Variants in ARRDC4 observed in about 807,000 individuals in gnomAD.
ARRDC4 encodes arrestin domain containing 4, also known as arrestin domain-containing protein 4.
Under a neutral mutation model 44.6 loss-of-function variants are expected in ARRDC4, and 40 were observed. The ratio of observed to expected loss-of-function variants is 0.90; its 90% CI spans 0.70 to 1.17. The LOEUF is 1.17. Among genes scored for constraint, ARRDC4 ranks in the 50% most tolerant of loss-of-function variants. The pLI, the probability that ARRDC4 is intolerant of heterozygous loss-of-function variation, is 0.00. For missense variants in ARRDC4, 550 were observed against 559.1 expected (o/e 0.98, Z 0.16); for synonymous variants, 211 against 221.2 (o/e 0.95, Z 0.41).
chr15:97,970,441 T>G lies in ARRDC4; in HGVS notation c.1046-148T>G. 1 of 734,342 alleles carries G rather than the reference T, an allele frequency of 1.4e-6. No individual in the cohort carries two copies. The highest frequency in any genetic ancestry group is 2.7e-5 in the East Asian group (1 of 36,770). The allele number at this position is 734,342 out of a possible 1,614,324, so 45.5% of individuals were successfully genotyped here. On this transcript the variant is annotated intron_variant, in intron 6 of 7. Transcript: ENST00000268042. The surrounding 1 kb of genome is among the most constrained non-coding windows in gnomAD (Gnocchi z 4.2). ...AATAAAAGGAGAATCTATTTTTTAT[T>G]GTAATATGCATAAAACCTTGCTGAT...
At chr15:97,963,612 G>C (rs1432110813) in intron 1 of ARRDC4, among the ~76,000 whole-genome samples, 4 of 152,244 alleles carry the variant, frequency 2.6e-5, no homozygotes, top group Non-Finnish European at 4.4e-5. Context: ...CCAGCCCTCA[G>C]GTCCTGAAGA....
chr15:97,969,939 C>G lies in ARRDC4; in HGVS notation c.939C>G (p.Ile313Met). 1.2e-6 allele frequency: 2 copies of G among 1,607,498 alleles called. No homozygotes were observed. The highest frequency in any genetic ancestry group is 1.4e-5 in the African/African-American group (1 of 73,888). The part of the protein sequence containing the change: ...KKLMLELPLV[I>M]GTIPYNGFGS... ...TGATGCTCGAACTGCCATTAGTGAT[C>G]GGTACAATTCCATATAATGGTTTTG... Residue 313 changes from isoleucine to methionine, a missense_variant, in exon 6 of 8, where the codon ATC becomes ATG. Ile to Met is a conservative substitution (Grantham distance 10). Coordinates refer to ENST00000268042, the MANE Select transcript of ARRDC4 (RefSeq NM_183376.3).
rs1174837924 is a variant in ARRDC4, at chr15:97,970,014, G to A, written c.1014G>A (p.Trp338Ter). 7.4e-6 allele frequency: 12 copies of A among 1,612,766 alleles called. No homozygotes were observed. Among genetic ancestry groups the A allele is most frequent in the African/African-American group, 5.3e-5 (4 of 74,814 alleles). The change falls in exon 6 of 8, where the codon TGG becomes TGA. Residue 338 changes from tryptophan to a stop codon, truncating the protein, a stop_gained. Coordinates refer to ENST00000268042, the MANE Select transcript of ARRDC4 (RefSeq NM_183376.3). LOFTEE classifies it high-confidence loss of function. This position sits in a 1 kb window ranked among gnomAD's most constrained non-coding sequence, Gnocchi z 4.2. ...IASQFSMDMS[W>*]LTLTLPEQPE... ...GCCAGTTCAGTATGGATATGAGCTG[G>A]TTGACACTGACCCTGCCAGAGCAGC...
Position 97,970,835 on chromosome 15 carries a change from T to G in ARRDC4, c.1200+92T>G. The G allele has an allele frequency of 1.4e-6, 2 of 1,388,946 alleles. No individual in the cohort carries two copies. The highest frequency in any genetic ancestry group is 2.0e-6 in the Non-Finnish European group (2 of 1,012,906). 86.0% of individuals were successfully genotyped at this position (1,388,946 alleles called of 1,614,324 possible). ...GTTCATTAGAGTGTCTGTTGCTGAC[T>G]CATAATTAGTAAGGGATACATTTAA... On this transcript the variant is annotated intron_variant, in intron 7 of 7. Transcript: ENST00000268042. This position sits in a 1 kb window ranked among gnomAD's most constrained non-coding sequence, Gnocchi z 4.2.
In ARRDC4 at chr15:97,968,175, T is replaced by A; in HGVS notation, c.625+59T>A. On this transcript the variant is annotated intron_variant, in intron 4 of 7. Transcript: ENST00000268042. This position sits in a 1 kb window ranked among gnomAD's most constrained non-coding sequence, Gnocchi z 5.4. ...TTTCATTCATTTTCTTAGCTAATTT[T>A]AAGTGATTTTAAATAGTGTTTTTTG... 8.6e-7 allele frequency: 1 copy of A among 1,160,556 alleles called. No homozygotes were observed. Among genetic ancestry groups the A allele is most frequent in the Non-Finnish European group, 1.2e-6 (1 of 826,256 alleles). The allele number at this position is 1,160,556 out of a possible 1,614,324, so 71.9% of individuals were successfully genotyped here. A position where few individuals can be genotyped will look rare whatever the true frequency, so the allele number is the denominator to read the frequency against.
At chr15:97,961,906 G>A (rs1009983317) in intron 1 of ARRDC4, among the ~76,000 whole-genome samples, 2 of 152,090 alleles carry the variant, frequency 1.3e-5, no homozygotes, top group Non-Finnish European at 2.9e-5. Flanking sequence ...GCTCACTTTG[G>A]TGAAGTCCAG....
At chr15:97,961,364 C>T (rs1899315820) in intron 1 of ARRDC4, among the ~76,000 whole-genome samples, 196 bp downstream of exon 1, 1 of 152,186 alleles carries the variant, frequency 6.6e-6, no homozygotes, top group African/African-American at 2.4e-5. Flanking sequence ...CGCCCCGCCC[C>T]TGGCCCGCCG....
chr15:97,967,721 T>A lies in ARRDC4; in HGVS notation c.523-293T>A, dbSNP rs1016078982. ...TCCTAATACAGCTTTTGATTTTTTTTTAAAAAAATGGTATATTATTTCCTG... is the reference window on the plus strand; with the variant it reads ...TCCTAATACAGCTTTTGATTTTTTTATAAAAAAATGGTATATTATTTCCTG... On this transcript the variant is annotated intron_variant, in intron 3 of 7. Transcript: ENST00000268042. The surrounding 1 kb of genome is among the most constrained non-coding windows in gnomAD (Gnocchi z 5.0). Among the ~76,000 whole-genome samples the A allele has an allele frequency of 2.2e-4, 34 of 152,092 alleles. No individual in the cohort carries two copies. The highest frequency in any genetic ancestry group is 2.0e-3 in the Admixed American group (30 of 15,258).
rs1460469750 is a variant in ARRDC4, at chr15:97,971,584, G to C, written c.*397G>C. ...ATATGAACTGAAGGGGTGAAGACTT[G>C]ATTTTGGAGAGGGCAACAAAACAAG... On this transcript the variant is annotated 3_prime_UTR_variant, in exon 8 of 8. Coordinates refer to ENST00000268042, the MANE Select transcript of ARRDC4 (RefSeq NM_183376.3). 9.4e-6 allele frequency: 2 copies of C among 213,618 alleles called. No individual in the cohort carries two copies. The highest frequency in any genetic ancestry group is 1.1e-4 in the East Asian group (1 of 8,738). 13.2% of individuals were successfully genotyped at this position (213,618 alleles called of 1,614,324 possible).
Position 97,965,521 on chromosome 15 carries a change from C to A in ARRDC4, c.308-79C>A. 7.8e-7 allele frequency: 1 copy of A among 1,282,182 alleles called. No individual in the cohort carries two copies. Among genetic ancestry groups the A allele is most frequent in the Non-Finnish European group, 1.1e-6 (1 of 891,616 alleles). The allele number at this position is 1,282,182 out of a possible 1,614,324, so 79.4% of individuals were successfully genotyped here. A position where few individuals can be genotyped will look rare whatever the true frequency, so the allele number is the denominator to read the frequency against. ...ATTTTGTAGCGAGAAAAACTTCCTT[C>A]AAAAAATTATTTACATTGTGAAAAC... On this transcript the variant is annotated intron_variant, in intron 1 of 7. Transcript: ENST00000268042. The surrounding 1 kb of genome is among the most constrained non-coding windows in gnomAD (Gnocchi z 5.1).
chr15:97,965,683 A>G lies in ARRDC4; in HGVS notation c.374+17A>G. The G allele has an allele frequency of 6.2e-7, 1 of 1,608,508 alleles. No homozygotes were observed. On this transcript the variant is annotated intron_variant, in intron 2 of 7. Coordinates refer to ENST00000268042, the MANE Select transcript of ARRDC4 (RefSeq NM_183376.3). This position sits in a 1 kb window ranked among gnomAD's most constrained non-coding sequence, Gnocchi z 5.1. ...TCCATCTGAGTAAGTGAAACACTAC[A>G]ATTTTGTGGTTATCCTTCTCTGCAG...
At chr15:97,969,460 C>A in intron 5 of ARRDC4, 81 bp downstream of exon 5, 1 of 1,489,804 alleles carries the variant, frequency 6.7e-7, no homozygotes, top group Non-Finnish European at 9.2e-7. Flanking sequence ...TGTAGAGTTG[C>A]CTATAAAAAT....
rs1174122348 is a variant in ARRDC4, at chr15:97,960,925, C to T, written c.64C>T (p.Leu22=). Reference sequence around the variant, plus strand: ...CGAGGGCCGCGTGAAGAGCCTGGGTCTGGTGTTCGAGGACGAGCGCAAGGG... The same window carrying T: ...CGAGGGCCGCGTGAAGAGCCTGGGTTTGGTGTTCGAGGACGAGCGCAAGGG... ...GAEGRVKSLG[L]VFEDERKGCY... The change falls in exon 1 of 8, where the codon CTG becomes TTG. Residue 22 remains leucine (L), a synonymous_variant. Coordinates refer to ENST00000268042, the MANE Select transcript of ARRDC4 (RefSeq NM_183376.3). The T allele has an allele frequency of 2.1e-6, 3 of 1,462,474 alleles. No homozygotes were observed. The highest frequency in any genetic ancestry group is 2.7e-6 in the Non-Finnish European group (3 of 1,103,556). The allele number at this position is 1,462,474 out of a possible 1,614,324, so 90.6% of individuals were successfully genotyped here.
rs1290771381 is a variant in ARRDC4, at chr15:97,967,767, T to C, written c.523-247T>C. 6.6e-6 allele frequency among the ~76,000 whole-genome samples: 1 copy of C among 152,154 alleles called. No individual in the cohort carries two copies. The highest frequency in any genetic ancestry group is 1.5e-5 in the Non-Finnish European group (1 of 68,016). On this transcript the variant is annotated intron_variant, in intron 3 of 7. Coordinates refer to ENST00000268042, the MANE Select transcript of ARRDC4 (RefSeq NM_183376.3). This position sits in a 1 kb window ranked among gnomAD's most constrained non-coding sequence, Gnocchi z 5.0. ...TCCTGGAAACATAATGACTTCAGGGTAAAATAAGATGGTGTCATGCTAATT... is the reference window on the plus strand; with the variant it reads ...TCCTGGAAACATAATGACTTCAGGGCAAAATAAGATGGTGTCATGCTAATT...
chr15:97,969,648 C>G (rs1899474414), intron 5 of ARRDC4, among the ~76,000 whole-genome samples: 1 of 152,026 alleles, frequency 6.6e-6, no homozygotes, highest in African/African-American at 2.4e-5. Context: ...ATTATATAAG[C>G]CATGCAAACC....
Position 97,971,129 on chromosome 15 carries a change from A to G in ARRDC4, c.1201-2A>G. The stretch of plus-strand genomic sequence containing the variant: ...TAATCTCAGTCCGCTCTTTTTTTGC[A>G]GGTTGACCCACATCCTAGCGACGTA... On this transcript the variant is annotated splice_acceptor_variant, in intron 7 of 7. Coordinates refer to ENST00000268042, the MANE Select transcript of ARRDC4 (RefSeq NM_183376.3). LOFTEE classifies it high-confidence loss of function. The G allele has an allele frequency of 6.2e-7, 1 of 1,612,426 alleles. No homozygotes were observed.
rs142653350 is a variant in ARRDC4 at position 97,965,022 on chromosome 15, A to C, written c.308-578A>C. On this transcript the variant is annotated intron_variant, in intron 1 of 7. Coordinates refer to ENST00000268042, the MANE Select transcript of ARRDC4 (RefSeq NM_183376.3). This position sits in a 1 kb window ranked among gnomAD's most constrained non-coding sequence, Gnocchi z 5.1. ...TACACACACACACACACACACATAT[A>C]CATATCCATATACACATATATATGT... 1.6e-3 allele frequency among the ~76,000 whole-genome samples: 247 copies of C among 152,062 alleles called. 1 individual carries two copies. The highest frequency in any genetic ancestry group is 5.7e-3 in the African/African-American group (236 of 41,456).
In ARRDC4 at chr15:97,961,205, G is replaced by A. The variant is rs763066334; in HGVS notation, c.307+37G>A. On this transcript the variant is annotated intron_variant, in intron 1 of 7. Transcript: ENST00000268042. ...CGAGCGCCTGGGGTTCCCCCGCCAG[G>A]CTGCGGGGCCGGGGAGGGGCTGGGA... is the stretch of plus-strand genomic sequence containing the variant. The A allele has an allele frequency of 3.5e-4, 485 of 1,366,334 alleles. 2 individuals carry two copies. The highest frequency in any genetic ancestry group is 4.3e-4 in the Non-Finnish European group (459 of 1,070,490). 84.6% of individuals were successfully genotyped at this position (1,366,334 alleles called of 1,614,324 possible).
rs1351707869 is a variant in ARRDC4, at chr15:97,972,676, C to T, written c.*1489C>T. The T allele has an allele frequency of 1.3e-5, 2 of 152,574 alleles. No individual in the cohort carries two copies. Among genetic ancestry groups the T allele is most frequent in the Non-Finnish European group, 2.9e-5 (2 of 68,024 alleles). 9.5% of individuals were successfully genotyped at this position (152,574 alleles called of 1,614,324 possible). ...TTCTTCATGTCCTAAGGGTTTGATCCAGAAACCCTGGTGCTTCCCCTGCAG... is the reference window on the plus strand; with the variant it reads ...TTCTTCATGTCCTAAGGGTTTGATCTAGAAACCCTGGTGCTTCCCCTGCAG... On this transcript the variant is annotated 3_prime_UTR_variant, in exon 8 of 8. Transcript: ENST00000268042. This position sits in a 1 kb window ranked among gnomAD's most constrained non-coding sequence, Gnocchi z 5.3.
Sources: gnomAD v4.1 joint callset for allele counts (sites outside exome capture counted in the v4.1 genomes callset) on GRCh38, gnomAD v4.1.1 for gene constraint, Gnocchi (gnomAD v3.1) non-coding constraint, MANE v1.5 for transcripts, NCBI Gene and HGNC (gene_info 2026-07-23, HGNC 2026-07-21) for gene names.